The following CNGB1 variants were observed in gnomAD, a reference collection of about 807,000 sequenced individuals.
CNGB1 encodes cyclic nucleotide-gated channel beta-1.
CNGB1 carries 126 observed loss-of-function variants against 151.7 expected under a neutral mutation model. The ratio of observed to expected loss-of-function variants is 0.83; its 90% CI spans 0.72 to 0.96. The LOEUF is 0.96. Among genes scored for constraint, CNGB1 ranks in the 40% least tolerant of loss-of-function variants. The pLI, the probability that CNGB1 is intolerant of heterozygous loss-of-function variation, is 0.00. For synonymous variants in CNGB1, 623 were observed against 635.1 expected (o/e 0.98, Z 0.29); for missense variants, 1,698 against 1,627.0 (o/e 1.04, Z -0.75).
rs546708314 is a variant in CNGB1, at chr16:57,908,724, C to T, written c.2492+3029G>A. Reference sequence around the variant, plus strand: ...ATCCCTCGTCCCTCAAGCCTCCGCTCTGACTCTGCAGGCCCAGCCCCCATC... The same window carrying T: ...ATCCCTCGTCCCTCAAGCCTCCGCTTTGACTCTGCAGGCCCAGCCCCCATC... On this transcript the variant is annotated intron_variant, in intron 25 of 32. Coordinates refer to ENST00000251102, the MANE Select transcript of CNGB1 (RefSeq NM_001297.5). Among the ~76,000 whole-genome samples the T allele has an allele frequency of 2.6e-5, 4 of 152,340 alleles. No homozygotes were observed. In the South Asian group the frequency reaches 6.2e-4, roughly 24 times the overall value.
chr16:57,905,827 C>T (rs532891173), intron 25 of CNGB1, among the ~76,000 whole-genome samples: 1 of 152,362 alleles, frequency 6.6e-6, no homozygotes, highest in Non-Finnish European at 1.5e-5. Context: ...GAGAGCAGCC[C>T]TCACCAGATG....
intron 16 of CNGB1, among the ~76,000 whole-genome samples, chr16:57,938,387 G>A (rs1386746643): frequency 2.0e-5 from 3 of 152,214 alleles, no homozygotes; most frequent in African/African-American, 4.8e-5. Context: ...CTTGGGTCCA[G>A]TCCCATTTCA....
At chr16:57,913,709 A>T (rs1960792855) in intron 23 of CNGB1, among the ~76,000 whole-genome samples, 1 of 152,188 alleles carries the variant, frequency 6.6e-6, no homozygotes, top group African/African-American at 2.4e-5. Context: ...TCACATTTCT[A>T]GGCTCAAGTG....
At chr16:57,920,619 G>A in intron 18 of CNGB1, 75 bp from the exon 19 acceptor site, 1 of 1,576,228 alleles carries the variant, frequency 6.3e-7, no homozygotes, top group South Asian at 1.1e-5. Context: ...GAGCTGTGCA[G>A]CGTCTGTGTC....
intron 25 of CNGB1, among the ~76,000 whole-genome samples, chr16:57,910,436 GCAATTTCA>G (rs1960677666): frequency 6.6e-6 from 1 of 152,060 alleles, no homozygotes; most frequent in South Asian, 2.1e-4. Flanking sequence ...GTGTAATGGT[GCAATTTCA>G]TCTCACCACA....
intron 25 of CNGB1, among the ~76,000 whole-genome samples, chr16:57,910,357 C>G (rs1372752904): frequency 1.3e-5 from 2 of 152,070 alleles, no homozygotes; most frequent in Non-Finnish European, 2.9e-5. Context: ...AATTGCCAAG[C>G]AGGGAATTTT....
chr16:57,905,507 A>G (rs565665018), intron 25 of CNGB1, among the ~76,000 whole-genome samples: 1 of 152,220 alleles, frequency 6.6e-6, no homozygotes, highest in East Asian at 1.9e-4. Flanking sequence ...TCTGGAAGGG[A>G]GGTATGGGGG....
intron 19 of CNGB1, among the ~76,000 whole-genome samples, chr16:57,919,940 T>C (rs1315840940): frequency 1.3e-5 from 2 of 152,242 alleles, no homozygotes; most frequent in Non-Finnish European, 2.9e-5. Context: ...ATCATGTGTC[T>C]TATTTCCTCC....
chr16:57,922,261 T>C (rs1961056674), intron 18 of CNGB1, among the ~76,000 whole-genome samples: 2 of 152,090 alleles, frequency 1.3e-5, no homozygotes, highest in South Asian at 2.1e-4. Flanking sequence ...AGGACTGTGA[T>C]TGGGGATTCC....
rs1490068843 is a variant in CNGB1, at chr16:57,884,357, G to A, written c.3563C>T (p.Thr1188Met). ...EAATDPPAPR[T>M]PPEPPGSPPS... ...TGGAGACCCCGGGGGCTCGGGGGGC[G>A]TCCGGGGCGCGGGTGGGTCGGTGGC... Residue 1188 changes from threonine to methionine, a missense_variant, in exon 33 of 33, where the codon ACG becomes ATG. Transcript: ENST00000251102. The A allele has an allele frequency of 6.2e-7, 1 of 1,610,386 alleles. No individual in the cohort carries two copies. The highest frequency in any genetic ancestry group is 8.5e-7 in the Non-Finnish European group (1 of 1,178,804).
At chr16:57,961,073 C>G (rs570188348) in intron 7 of CNGB1, among the ~76,000 whole-genome samples, 158 bp from the exon 8 acceptor site, 1 of 152,102 alleles carries the variant, frequency 6.6e-6, no homozygotes. Context: ...GGGCCCCAAG[C>G]GGGTGGGGAA....
chr16:57,906,264 T>C lies in CNGB1; in HGVS notation c.2493-1389A>G, dbSNP rs143267837. On this transcript the variant is annotated intron_variant, in intron 25 of 32. Coordinates refer to ENST00000251102, the MANE Select transcript of CNGB1 (RefSeq NM_001297.5). ...ATAAGATGGGGATGGCAATAGAATG[T>C]CCCTTACAGAAGACCATGAAGACAA... Among the ~76,000 whole-genome samples the C allele has an allele frequency of 4.0e-3, 607 of 152,284 alleles. 4 individuals are homozygous for C. Among genetic ancestry groups the C allele is most frequent in the African/African-American group, 0.014 (561 of 41,554 alleles).
chr16:57,903,807 G>C lies in CNGB1; in HGVS notation c.2794+15C>G. 2 of 1,613,850 alleles carry C rather than the reference G, an allele frequency of 1.2e-6. No individual in the cohort carries two copies. Among genetic ancestry groups the C allele is most frequent in the Admixed American group, 1.7e-5 (1 of 60,020 alleles). Reference sequence around the variant, plus strand: ...TGACTGGGAGCTGGTGGCTGCCAGGGCGTGACCATCTTACCCAGCATGCCT... The same window carrying C: ...TGACTGGGAGCTGGTGGCTGCCAGGCCGTGACCATCTTACCCAGCATGCCT... On this transcript the variant is annotated intron_variant, in intron 27 of 32. Transcript: ENST00000251102.
chr16:57,904,726 C>A lies in CNGB1; in HGVS notation c.2634+8G>T, dbSNP rs369567117. 20 of 1,613,854 alleles carry A rather than the reference C, an allele frequency of 1.2e-5. No individual in the cohort carries two copies. In the South Asian group the frequency reaches 2.2e-4, roughly 18 times the overall value. On this transcript the variant is annotated splice_region_variant and intron_variant, in intron 26 of 32. Transcript: ENST00000251102. ...GTGGGGTGGGAAGCTGGGCTGGTGC[C>A]CCGATACCTGTCCGATCATCACAGA...
intron 19 of CNGB1, 147 bp downstream of exon 19, chr16:57,920,240 G>C: frequency 1.1e-6 from 1 of 875,750 alleles, no homozygotes; most frequent in South Asian, 1.6e-5. Flanking sequence ...TGTACATATG[G>C]ATCCCAAATC....
intron 20 of CNGB1, among the ~76,000 whole-genome samples, chr16:57,918,787 C>T (rs1173241845): frequency 1.3e-5 from 2 of 152,180 alleles, no homozygotes; most frequent in African/African-American, 4.8e-5. Flanking sequence ...GCACTCTCCA[C>T]CTCCTGGATT....
intron 12 of CNGB1, chr16:57,954,976 G>C (rs953821301): frequency 7.3e-6 from 8 of 1,098,244 alleles, no homozygotes; most frequent in South Asian, 2.9e-5. Flanking sequence ...CTCGAACTTC[G>C]GGGCTCAAGC....
Position 57,887,955 on chromosome 16 carries a change from C to T in CNGB1, c.3362G>A (p.Gly1121Asp). The T allele has an allele frequency of 1.2e-6, 2 of 1,614,182 alleles. No homozygotes were observed. Among genetic ancestry groups the T allele is most frequent in the East Asian group, 2.2e-5 (1 of 44,876 alleles). Residue 1121 changes from glycine to aspartate, a missense_variant, in exon 32 of 33, where the codon GGC (glycine) becomes GAC (aspartate). Gly to Asp is a moderately conservative substitution (Grantham distance 94). Coordinates refer to ENST00000251102, the MANE Select transcript of CNGB1 (RefSeq NM_001297.5). ...AALAMTGKMG[G>D]KGAKGGKLAH... ...AAGTTTGCCGCCTTTTGCCCCCTTGCCACCCATCTTTCCTGTCATAGCGAG... is the reference window on the plus strand; with the variant it reads ...AAGTTTGCCGCCTTTTGCCCCCTTGTCACCCATCTTTCCTGTCATAGCGAG...
chr16:57,943,666 G>GA (rs1364358166), intron 14 of CNGB1, among the ~76,000 whole-genome samples: 2 of 151,692 alleles, frequency 1.3e-5, no homozygotes, highest in Admixed American at 6.6e-5. Flanking sequence ...GCCCCCACCC[G>GA]AAAAAAGACA....
Sources: allele counts gnomAD v4.1 joint callset (sites outside exome capture counted in the v4.1 genomes callset), GRCh38; gene constraint gnomAD v4.1.1; transcripts MANE v1.5; gene names NCBI Gene and HGNC (gene_info 2026-07-23, HGNC 2026-07-21).